MAPK10: variants seen among roughly 807,000 people sequenced by gnomAD.
MAPK10 encodes JNK3 alpha protein kinase.
A neutral mutation model predicts 59.3 loss-of-function variants in MAPK10; 25 were observed. The ratio of observed to expected loss-of-function variants is 0.42; its 90% CI spans 0.31 to 0.59. The LOEUF (loss-of-function observed/expected upper bound fraction) is 0.59. Ranked by LOEUF, MAPK10 falls within the 20% of genes least tolerant of loss-of-function variation. The pLI, the probability that MAPK10 is intolerant of heterozygous loss-of-function variation, is 0.15. For synonymous variants in MAPK10, 190 were observed against 200.5 expected (o/e 0.95, Z 0.44); for missense variants, 351 against 568.9 (o/e 0.62, Z 3.90).
intron 2 of MAPK10, among the ~76,000 whole-genome samples, chr4:86,216,943 G>A (rs1006166657): frequency 4.6e-5 from 7 of 152,056 alleles, no homozygotes; most frequent in Non-Finnish European, 7.4e-5. Context: ...ATTACAGCAC[G>A]TGAAAGAATA....
intron 2 of MAPK10, among the ~76,000 whole-genome samples, chr4:86,231,275 A>T (rs970884519): frequency 1.3e-5 from 2 of 152,208 alleles, no homozygotes; most frequent in African/African-American, 2.4e-5. Context: ...TACTTATACT[A>T]AAAAATTGCT....
upstream of MAPK10, among the ~76,000 whole-genome samples, chr4:86,361,545 G>T (rs2869434): frequency 5.9e-5 from 9 of 151,938 alleles, no homozygotes; most frequent in Non-Finnish European, 1.3e-4. Context: ...TCAGTTTGTC[G>T]AAGAGATGTC....
intron 4 of MAPK10, among the ~76,000 whole-genome samples, chr4:86,148,403 A>ACT (rs2065525800): frequency 6.6e-6 from 1 of 152,192 alleles, no homozygotes; most frequent in South Asian, 2.1e-4. Flanking sequence ...GAGAACAATG[A>ACT]CTAGTATGCC....
At chr4:86,228,970 T>A (rs762418110) in intron 2 of MAPK10, among the ~76,000 whole-genome samples, 1 of 152,194 alleles carries the variant, frequency 6.6e-6, no homozygotes, top group Admixed American at 6.5e-5. Flanking sequence ...CATTCACTTA[T>A]AGTTCTACAA....
intron 1 of MAPK10, among the ~76,000 whole-genome samples, chr4:86,576,598 C>T (rs1371729655): frequency 2.0e-5 from 3 of 151,726 alleles, no homozygotes; most frequent in Non-Finnish European, 4.4e-5. Context: ...CACAGCGAAA[C>T]CCCGTCTCTA....
At chr4:86,344,758 T>A (rs1288996169) in intron 2 of MAPK10, among the ~76,000 whole-genome samples, 1 of 152,174 alleles carries the variant, frequency 6.6e-6, no homozygotes, top group Non-Finnish European at 1.5e-5. Flanking sequence ...TGTAAATGTG[T>A]TTATGTTGAT....
intron 1 of MAPK10, among the ~76,000 whole-genome samples, chr4:86,517,415 A>G (rs912924801): frequency 4.6e-5 from 7 of 151,520 alleles, no homozygotes; most frequent in African/African-American, 1.7e-4. Flanking sequence ...AGCTGAGACT[A>G]CAGGGGCCGG....
intron 2 of MAPK10, among the ~76,000 whole-genome samples, chr4:86,246,800 C>T (rs909289092): frequency 7.2e-5 from 11 of 152,130 alleles, no homozygotes; most frequent in East Asian, 3.9e-4. Flanking sequence ...CTGGTCACCA[C>T]GCTACTCCTC....
chr4:86,056,598 G>C (rs959205496), intron 11 of MAPK10, among the ~76,000 whole-genome samples: 1 of 149,704 alleles, frequency 6.7e-6, no homozygotes, highest in African/African-American at 2.5e-5. Flanking sequence ...AAGTAACACA[G>C]GATATTCATA....
chr4:86,128,579 G>A (rs1013273872), intron 4 of MAPK10, among the ~76,000 whole-genome samples: 2 of 152,070 alleles, frequency 1.3e-5, no homozygotes, highest in Non-Finnish European at 2.9e-5. Flanking sequence ...CCTGAGCTGT[G>A]AGCCAATTAA....
chr4:86,162,928 A>G (rs2070317728), intron 3 of MAPK10, among the ~76,000 whole-genome samples: 2 of 152,136 alleles, frequency 1.3e-5, no homozygotes, highest in South Asian at 4.1e-4. Flanking sequence ...TCATTGGCAT[A>G]ACATTCTGGA....
At chr4:86,372,639 G>C (rs1739085763) in intron 1 of MAPK10, among the ~76,000 whole-genome samples, 1 of 151,764 alleles carries the variant, frequency 6.6e-6, no homozygotes, top group Admixed American at 6.6e-5. Context: ...CATGGAAACT[G>C]AACTACCTTC....
intron 2 of MAPK10, among the ~76,000 whole-genome samples, chr4:86,311,578 T>C (rs1021307102): frequency 2.0e-5 from 3 of 152,140 alleles, no homozygotes; most frequent in Non-Finnish European, 4.4e-5. Context: ...TTTGCAGAAA[T>C]AGTCTACATA....
chr4:86,178,974 G>GGGC (rs1181865470), intron 3 of MAPK10, among the ~76,000 whole-genome samples: 1 of 152,052 alleles, frequency 6.6e-6, no homozygotes, highest in Non-Finnish European at 1.5e-5. Context: ...AGGCCAAGGT[G>GGGC]GGCACATCAC....
intron 1 of MAPK10, among the ~76,000 whole-genome samples, chr4:86,528,679 C>T (rs1204452184): frequency 6.6e-6 from 1 of 152,108 alleles, no homozygotes; most frequent in Non-Finnish European, 1.5e-5. Context: ...AGTAGCTGGG[C>T]CTAGAGGCAT....
chr4:86,150,457 A>T (rs1397663069), intron 4 of MAPK10, among the ~76,000 whole-genome samples: 2 of 152,212 alleles, frequency 1.3e-5, no homozygotes, highest in Non-Finnish European at 2.9e-5. Context: ...ATTGAAATAA[A>T]AATAATAATA....
intron 1 of MAPK10, among the ~76,000 whole-genome samples, chr4:86,460,653 A>C (rs559429693): frequency 6.6e-6 from 1 of 152,368 alleles, no homozygotes; most frequent in Admixed American, 6.5e-5. Context: ...AGTTTACAGA[A>C]TAAGGGCAAG....
chr4:86,048,606 C>G (rs1235985735), intron 11 of MAPK10, among the ~76,000 whole-genome samples: 1 of 151,906 alleles, frequency 6.6e-6, no homozygotes, highest in Non-Finnish European at 1.5e-5. Context: ...AGCCCTCCTA[C>G]ATAAGTAACA....
chr4:86,050,879 C>T (rs1212925253), intron 11 of MAPK10, among the ~76,000 whole-genome samples: 2 of 152,078 alleles, frequency 1.3e-5, no homozygotes, highest in African/African-American at 4.8e-5. Context: ...CTAACTTAGT[C>T]AAAAACAACA....
Sources: allele counts gnomAD v4.1 joint callset (sites outside exome capture counted in the v4.1 genomes callset), GRCh38; gene constraint gnomAD v4.1.1; transcripts MANE v1.5; gene names NCBI Gene and HGNC (gene_info 2026-07-23, HGNC 2026-07-21).